Variants in CYP7B1 observed in about 807,000 individuals in gnomAD.
CYP7B1 encodes the protein cytochrome P450 family 7 subfamily B member 1, also known as cytochrome P450 7B1.
In CYP7B1, 29 loss-of-function variants were observed where a neutral mutation model predicts 42.7. The ratio of observed to expected loss-of-function variants is 0.68; its 90% CI spans 0.51 to 0.93. CYP7B1 has a LOEUF of 0.93. Among genes scored for constraint, CYP7B1 ranks in the 40% least tolerant of loss-of-function variants. The pLI is 0.00. For missense variants in CYP7B1, 655 were observed against 600.5 expected (o/e 1.09, Z -0.95); for synonymous variants, 235 against 218.2 (o/e 1.08, Z -0.68).
intron 1 of CYP7B1, among the ~76,000 whole-genome samples, chr8:64,712,407 A>G (rs1479606725): frequency 2.0e-5 from 3 of 152,148 alleles, no homozygotes; most frequent in African/African-American, 7.2e-5. Context: ...ACTCAATGCT[A>G]GAACCATCAT....
chr8:64,731,750 G>C (rs182777686), intron 1 of CYP7B1, among the ~76,000 whole-genome samples: 5 of 152,222 alleles, frequency 3.3e-5, no homozygotes, highest in Non-Finnish European at 7.3e-5. Flanking sequence ...CATTCACCAT[G>C]TCTTTAGATT....
At chr8:64,758,225 T>C (rs975099783) in intron 1 of CYP7B1, among the ~76,000 whole-genome samples, 2 of 152,178 alleles carry the variant, frequency 1.3e-5, no homozygotes, top group African/African-American at 4.8e-5. Flanking sequence ...GCTGGAGTGC[T>C]GTCTCCTCTC....
At chr8:64,775,357 T>C (rs1804306623) in intron 1 of CYP7B1, among the ~76,000 whole-genome samples, 1 of 152,132 alleles carries the variant, frequency 6.6e-6, no homozygotes, top group Non-Finnish European at 1.5e-5. Flanking sequence ...GCCAATGAGT[T>C]ATATTCCTTA....
At chr8:64,718,801 A>C (rs551987768) in intron 1 of CYP7B1, among the ~76,000 whole-genome samples, 9 of 152,272 alleles carry the variant, frequency 5.9e-5, no homozygotes, top group Middle Eastern at 3.4e-3. Flanking sequence ...CAATTGTCAG[A>C]GGTGGATTTT....
intron 1 of CYP7B1, among the ~76,000 whole-genome samples, chr8:64,778,203 A>G (rs369762931): frequency 6.9e-6 from 1 of 145,848 alleles, no homozygotes; most frequent in African/African-American, 2.5e-5. Context: ...ATATATATGT[A>G]TACACACATA....
intron 5 of CYP7B1, among the ~76,000 whole-genome samples, chr8:64,603,010 A>T (rs1014723023): frequency 1.3e-5 from 2 of 152,204 alleles, no homozygotes; most frequent in African/African-American, 2.4e-5. Context: ...ACAATAAATT[A>T]GTTAATTTTA....
At chr8:64,662,272 G>A (rs1806211017) in intron 1 of CYP7B1, among the ~76,000 whole-genome samples, 1 of 152,198 alleles carries the variant, frequency 6.6e-6, no homozygotes, top group African/African-American at 2.4e-5. Flanking sequence ...GGTCGAGGCT[G>A]CGGTGTGCTT....
At chr8:64,749,938 C>A (rs1379537404) in intron 1 of CYP7B1, among the ~76,000 whole-genome samples, 1 of 152,174 alleles carries the variant, frequency 6.6e-6, no homozygotes, top group Non-Finnish European at 1.5e-5. Context: ...GGTGAGGTAT[C>A]TTTTTATTGT....
intron 1 of CYP7B1, among the ~76,000 whole-genome samples, chr8:64,765,697 C>T (rs894966697): frequency 5.3e-5 from 8 of 152,152 alleles, no homozygotes; most frequent in African/African-American, 1.2e-4. Context: ...CCATAGAAGA[C>T]GCTCTTGGAC....
intron 1 of CYP7B1, among the ~76,000 whole-genome samples, chr8:64,759,518 G>A (rs1259687638): frequency 1.3e-5 from 2 of 152,128 alleles, no homozygotes; most frequent in African/African-American, 4.8e-5. Context: ...CAGCAAGAAA[G>A]AAGAGTAATA....
chr8:64,639,490 T>C (rs1047808471), intron 1 of CYP7B1, among the ~76,000 whole-genome samples: 4 of 151,984 alleles, frequency 2.6e-5, no homozygotes, highest in Admixed American at 2.6e-4. Flanking sequence ...AAGATAGACA[T>C]AGGCACATGA....
chr8:64,651,672 A>G (rs1806040926), intron 1 of CYP7B1, among the ~76,000 whole-genome samples: 1 of 152,184 alleles, frequency 6.6e-6, no homozygotes, highest in Non-Finnish European at 1.5e-5. Flanking sequence ...TATTGCTCTT[A>G]TAAAAGAGAC....
intron 1 of CYP7B1, among the ~76,000 whole-genome samples, chr8:64,744,919 G>A (rs1267305180): frequency 6.6e-6 from 1 of 152,144 alleles, no homozygotes; most frequent in African/African-American, 2.4e-5. Flanking sequence ...GTGAGTTGAG[G>A]TATAGTAATA....
At chr8:64,667,166 G>A (rs1806293294) in intron 1 of CYP7B1, among the ~76,000 whole-genome samples, 1 of 152,138 alleles carries the variant, frequency 6.6e-6, no homozygotes, top group Non-Finnish European at 1.5e-5. Flanking sequence ...GAAAATAGAA[G>A]GAGGAAAGAA....
chr8:64,782,197 G>A (rs181091655), intron 1 of CYP7B1, among the ~76,000 whole-genome samples: 2 of 149,864 alleles, frequency 1.3e-5, no homozygotes, highest in Non-Finnish European at 3.0e-5. Context: ...AGCTGCAGAC[G>A]ACTTCACATA....
At chr8:64,722,388 TCAAA>T (rs1807248908) in intron 1 of CYP7B1, among the ~76,000 whole-genome samples, 1 of 152,176 alleles carries the variant, frequency 6.6e-6, no homozygotes, top group African/African-American at 2.4e-5. Context: ...ATGTTTTAAT[TCAAA>T]CAAATTCATT....
chr8:64,741,788 T>C (rs1000535399), intron 1 of CYP7B1, among the ~76,000 whole-genome samples: 14 of 152,276 alleles, frequency 9.2e-5, no homozygotes, highest in African/African-American at 3.4e-4. Flanking sequence ...GTTATAAGCT[T>C]AACAAAATGT....
At chr8:64,704,421 A>T (rs1344238730) in intron 1 of CYP7B1, among the ~76,000 whole-genome samples, 2 of 152,042 alleles carry the variant, frequency 1.3e-5, no homozygotes, top group Non-Finnish European at 2.9e-5. Context: ...ATATAATATG[A>T]CTTTCCTAAG....
intron 1 of CYP7B1, among the ~76,000 whole-genome samples, chr8:64,764,472 T>C (rs1807941919): frequency 6.6e-6 from 1 of 152,156 alleles, no homozygotes; most frequent in African/African-American, 2.4e-5. Flanking sequence ...AAAAACAATG[T>C]GCCCTATTCC....
Sources: gnomAD v4.1 joint callset for allele counts (sites outside exome capture counted in the v4.1 genomes callset) on GRCh38, gnomAD v4.1.1 for gene constraint, MANE v1.5 for transcripts, NCBI Gene and HGNC (gene_info 2026-07-23, HGNC 2026-07-21) for gene names.